The following FRK variants were observed in gnomAD, a reference collection of about 807,000 sequenced individuals.
FRK encodes the protein tyrosine-protein kinase FRK.
In FRK, 51 loss-of-function variants were observed where a neutral mutation model predicts 56.4. The observed-to-expected ratio is 0.90, with a 90% CI of 0.72 to 1.14. FRK has a LOEUF of 1.14. FRK is among the 50% of genes most tolerant of loss of function. FRK has a pLI of 0.00. For missense variants in FRK, 570 were observed against 601.4 expected, an observed-to-expected ratio of 0.95 and a Z score of 0.55; for synonymous variants, 245 against 217.9, an observed-to-expected ratio of 1.12 and a Z score of -1.10.
At chr6:116,062,471 A>AAAAAG (rs1330385000), upstream of FRK, among the ~76,000 whole-genome samples, 2 of 152,024 alleles carry the variant, frequency 1.3e-5, no homozygotes, top group Non-Finnish European at 2.9e-5. Context: ...TGAAAAAAAA[A>AAAAAG]AAAAGAAAAG....
At position 115,958,712 on chromosome 6, in the gene FRK, A is replaced by AAGGAAGG. The variant is rs1284311809; in HGVS notation, c.800-2103_800-2102insCCTTCCT. Among the ~76,000 whole-genome samples, 23 of 16,500 alleles carry AAGGAAGG rather than the reference A, an allele frequency of 1.4e-3. 3 individuals carry two copies. The highest frequency in any genetic ancestry group is 5.7e-3 in the African/African-American group (23 of 4,044). 10.8% of individuals were successfully genotyped at this position (16,500 alleles called of 152,430 possible). ...AGAAAGAAAGAAAGAAAGAAGAAAG[A>AAGGAAGG]AAGAAAGAAAGAAAGAAAGAAAGAA... On this transcript the variant is annotated intron_variant, in intron 4 of 7. Coordinates refer to ENST00000606080, the MANE Select transcript of FRK (RefSeq NM_002031.3).
chr6:115,956,606 T>G lies in FRK; in HGVS notation c.804A>C (p.Ser268=), dbSNP rs2114558299. The G allele has an allele frequency of 6.5e-7, 1 of 1,550,170 alleles. No homozygotes were observed. The highest frequency in any genetic ancestry group is 8.7e-7 in the Non-Finnish European group (1 of 1,149,114). Residue 268 remains serine (S), a synonymous_variant, in exon 5 of 8, where the codon TCA becomes TCC. Transcript: ENST00000606080. ...PVAVKTLKPG[S]MDPNDFLREA... ...CCCTCAGGAAGTCATTTGGATCCATTGAACCTGAAACAAGAAGAGGGAGAA... is the reference window on the plus strand; with the variant it reads ...CCCTCAGGAAGTCATTTGGATCCATGGAACCTGAAACAAGAAGAGGGAGAA...
chr6:115,932,262 T>G lies in FRK; in HGVS notation c.*10152A>C, dbSNP rs1438300822. On this transcript the variant is annotated 3_prime_UTR_variant, in exon 8 of 8. Transcript: ENST00000606080. ...CTTTCTTAACAAAAGCAGAGAAAAA[T>G]CTAAGAGTTTAGTGGGGGAATGTAG... is the stretch of plus-strand genomic sequence containing the variant. 6.6e-6 allele frequency: 1 copy of G among 152,094 alleles called. No individual in the cohort carries two copies. Among genetic ancestry groups the G allele is most frequent in the East Asian group, 1.9e-4 (1 of 5,190 alleles). 9.4% of individuals were successfully genotyped at this position (152,094 alleles called of 1,614,324 possible). A position where few individuals can be genotyped will look rare whatever the true frequency, so the allele number is the denominator to read the frequency against.
At chr6:116,085,654 A>G in the FRK span, among the ~76,000 whole-genome samples, 6 of 152,086 alleles carry the variant, frequency 3.9e-5, no homozygotes, top group South Asian at 2.1e-4. Context: ...CTATTTCTCT[A>G]CCCACTGACA....
At chr6:116,053,662 G>A (rs1318754786) in intron 1 of FRK, among the ~76,000 whole-genome samples, 2 of 152,076 alleles carry the variant, frequency 1.3e-5, no homozygotes, top group Non-Finnish European at 2.9e-5. Flanking sequence ...TAAGACTGGA[G>A]CTCAGTAGTT....
At chr6:116,010,370 T>A (rs1006044161) in intron 1 of FRK, among the ~76,000 whole-genome samples, 1 of 152,238 alleles carries the variant, frequency 6.6e-6, no homozygotes, top group East Asian at 1.9e-4. Flanking sequence ...TGTAGATTAC[T>A]TTAAAATGTA....
At chr6:116,075,685 C>T in the FRK span, among the ~76,000 whole-genome samples, 5 of 152,082 alleles carry the variant, frequency 3.3e-5, no homozygotes, top group Admixed American at 6.6e-5. Flanking sequence ...AAGTGCCCCA[C>T]CACCACCCAC....
intron 2 of FRK, among the ~76,000 whole-genome samples, chr6:115,976,968 A>G (rs1179078897): frequency 1.3e-5 from 2 of 152,158 alleles, no homozygotes; most frequent in Non-Finnish European, 2.9e-5. Flanking sequence ...TACCAAGCAT[A>G]TTAAGCTAAG....
intron 4 of FRK, among the ~76,000 whole-genome samples, chr6:115,960,464 G>A (rs967633852): frequency 6.6e-6 from 1 of 150,392 alleles, no homozygotes; most frequent in African/African-American, 2.4e-5. Context: ...AGCGAGGCTG[G>A]GGGAAGGGCG....
At chr6:116,100,546 T>C in the FRK span, among the ~76,000 whole-genome samples, 18 of 151,948 alleles carry the variant, frequency 1.2e-4, no homozygotes, top group Admixed American at 1.2e-3. Context: ...TCCCGGTTAA[T>C]TTTGTGGTAG....
intron 4 of FRK, among the ~76,000 whole-genome samples, chr6:115,961,325 C>G (rs1006920699): frequency 3.6e-5 from 4 of 112,564 alleles, no homozygotes; most frequent in African/African-American, 1.4e-4. Flanking sequence ...TGAAATGAAG[C>G]AAGAAGGGAA....
At chr6:115,989,805 T>C (rs1774525733) in intron 2 of FRK, among the ~76,000 whole-genome samples, 1 of 151,948 alleles carries the variant, frequency 6.6e-6, no homozygotes, top group East Asian at 1.9e-4. Flanking sequence ...AAATACCCAG[T>C]AGTGGGATTG....
At chr6:115,968,480 T>A in intron 3 of FRK, 96 bp downstream of exon 3, 4 of 1,421,084 alleles carry the variant, frequency 2.8e-6, no homozygotes, top group Non-Finnish European at 2.9e-6. Flanking sequence ...AAAATGACAA[T>A]TTTTTTCCTG....
chr6:116,038,831 C>T lies in FRK; in HGVS notation c.344+21137G>A, dbSNP rs76882893. 8.7e-3 allele frequency: 4,531 copies of T among 520,374 alleles called. 35 individuals are homozygous for T. The highest frequency in any genetic ancestry group is 0.013 in the Non-Finnish European group (3,423 of 258,878). 32.2% of individuals were successfully genotyped at this position (520,374 alleles called of 1,614,324 possible). ...GAAGAAGAGCCTGGGGGAGCTCATC[C>T]GCACTCTGAAGGCGGCCAAGGTGCC... On this transcript the variant is annotated intron_variant, in intron 1 of 7. Transcript: ENST00000606080.
intron 4 of FRK, among the ~76,000 whole-genome samples, chr6:115,962,593 AT>A (rs2114585813): frequency 1.6e-5 from 1 of 63,928 alleles, no homozygotes; most frequent in East Asian, 4.3e-4. Context: ...CAGAATATAC[AT>A]TTTTTTCAGC....
chr6:116,048,855 A>G (rs1337077995), intron 1 of FRK, among the ~76,000 whole-genome samples: 1 of 152,224 alleles, frequency 6.6e-6, no homozygotes, highest in African/African-American at 2.4e-5. Flanking sequence ...TTGCAGAGCT[A>G]TTAGAAGGAT....
chr6:116,094,296 C>T, the FRK span, among the ~76,000 whole-genome samples: 2 of 152,200 alleles, frequency 1.3e-5, no homozygotes, highest in Non-Finnish European at 2.9e-5. Context: ...AGCGCCAGCT[C>T]ATGTCATAAC....
At chr6:115,956,669 C>T (rs1023484886) in intron 4 of FRK, 59 bp from the exon 5 acceptor site, 2 of 1,321,778 alleles carry the variant, frequency 1.5e-6, no homozygotes, top group Non-Finnish European at 2.0e-6. Flanking sequence ...ATCCTCACAG[C>T]AGCCTGGTGG....
chr6:116,083,175 T>C, the FRK span, among the ~76,000 whole-genome samples: 1 of 152,154 alleles, frequency 6.6e-6, no homozygotes, highest in African/African-American at 2.4e-5. Context: ...ATACTGAGGA[T>C]TGACCATTGG....
Sources: allele counts gnomAD v4.1 joint callset (sites outside exome capture counted in the v4.1 genomes callset), GRCh38; gene constraint gnomAD v4.1.1; transcripts MANE v1.5; gene names NCBI Gene and HGNC (gene_info 2026-07-23, HGNC 2026-07-21).